Variants in ZNF560 observed in about 807,000 individuals in gnomAD.
ZNF560 encodes the protein zinc finger protein 560.
In ZNF560, 54 loss-of-function variants were observed where a neutral mutation model predicts 81.8. The observed-to-expected ratio is 0.66, with a 90% CI of 0.53 to 0.83. The LOEUF is 0.83. Among genes scored for constraint, ZNF560 ranks in the 40% least tolerant of loss-of-function variants. The probability of loss-of-function intolerance (pLI) is 0.00; values close to 1 mark genes in which losing one functional copy is unlikely to be tolerated. For synonymous variants in ZNF560, 321 were observed against 317.9 expected, an observed-to-expected ratio of 1.01 and a Z score of -0.10; for missense variants, 940 against 932.4, an observed-to-expected ratio of 1.01 and a Z score of -0.11.
intron 2 of ZNF560, among the ~76,000 whole-genome samples, chr19:9,496,957 C>T (rs2073568963): frequency 6.6e-6 from 1 of 151,702 alleles, no homozygotes. Context: ...GAATGAAATC[C>T]TGTCATTTTC....
At chr19:9,494,545 C>T (rs961461860) in intron 2 of ZNF560, among the ~76,000 whole-genome samples, 3 of 152,010 alleles carry the variant, frequency 2.0e-5, no homozygotes, top group African/African-American at 7.2e-5. Flanking sequence ...GACCAGCCTA[C>T]CCAACATGGC....
chr19:9,452,428 C>G, the ZNF560 span, among the ~76,000 whole-genome samples: 1 of 152,146 alleles, frequency 6.6e-6, no homozygotes, highest in Non-Finnish European at 1.5e-5. Flanking sequence ...ATAGATTTTT[C>G]TATCAAATAG....
chr19:9,490,692 G>A (rs527809679), intron 2 of ZNF560, among the ~76,000 whole-genome samples: 2 of 152,178 alleles, frequency 1.3e-5, no homozygotes, highest in South Asian at 2.1e-4. Flanking sequence ...ACAGGTTGAA[G>A]ATTAGGTGTG....
chr19:9,482,330 G>A (rs1047302948), intron 2 of ZNF560, among the ~76,000 whole-genome samples: 8 of 151,876 alleles, frequency 5.3e-5, no homozygotes, highest in South Asian at 2.1e-4. Context: ...TGTAAATGGC[G>A]AGTTAATGGG....
chr19:9,469,029 T>C (rs2073081149), intron 9 of ZNF560, 76 bp downstream of exon 9: 1 of 1,218,244 alleles, frequency 8.2e-7, no homozygotes. Flanking sequence ...TGCCTGGCCA[T>C]TTCTGCTGAT....
At chr19:9,457,134 A>G in the ZNF560 span, among the ~76,000 whole-genome samples, 2 of 152,254 alleles carry the variant, frequency 1.3e-5, no homozygotes, top group Admixed American at 6.5e-5. Flanking sequence ...AAAGGAACAT[A>G]TAGCTCAAAC....
At chr19:9,504,906 G>C in the ZNF560 span, among the ~76,000 whole-genome samples, 2 of 152,150 alleles carry the variant, frequency 1.3e-5, no homozygotes, top group African/African-American at 4.8e-5. Flanking sequence ...CCAACATAGT[G>C]AAAGCCCATC....
At chr19:9,506,346 T>G in the ZNF560 span, among the ~76,000 whole-genome samples, 2 of 151,918 alleles carry the variant, frequency 1.3e-5, no homozygotes, top group Admixed American at 6.6e-5. Flanking sequence ...AGTTATATTA[T>G]TTGAATTTGT....
intron 2 of ZNF560, among the ~76,000 whole-genome samples, chr19:9,491,186 C>G (rs939617580): frequency 6.6e-6 from 1 of 152,094 alleles, no homozygotes. Flanking sequence ...GATCACGGCT[C>G]ACCACAACCT....
At chr19:9,451,509 C>A in the ZNF560 span, among the ~76,000 whole-genome samples, 10 of 152,216 alleles carry the variant, frequency 6.6e-5, no homozygotes, top group African/African-American at 2.4e-4. Flanking sequence ...AAAACTGTAA[C>A]AATCCTTGAA....
At chr19:9,471,415 TTAAAAA>T in intron 5 of ZNF560, 37 bp from the exon 6 acceptor site, 1 of 1,252,424 alleles carries the variant, frequency 8.0e-7, no homozygotes, top group Non-Finnish European at 1.1e-6. Flanking sequence ...TTTTTTTTTT[TTAAAAA>T]AAAAGGTAAA....
At position 9,472,692 on chromosome 19, in the gene ZNF560, A is replaced by G. The variant is rs556661208; in HGVS notation, c.238+487T>C. Among the ~76,000 whole-genome samples, 53 of 152,278 alleles carry G rather than the reference A, an allele frequency of 3.5e-4. No homozygotes were observed. The South Asian group carries it at 0.011, about 32-fold the overall frequency. The stretch of plus-strand genomic sequence containing the variant: ...TAGAATTGTATAATTATTTCATTAC[A>G]GTAGAGTTATGGTAGAGTTGTATAA... On this transcript the variant is annotated intron_variant, in intron 5 of 9. Coordinates refer to ENST00000301480, the MANE Select transcript of ZNF560 (RefSeq NM_152476.3).
At chr19:9,471,255 T>C (rs544557744) in intron 6 of ZNF560, 41 bp downstream of exon 6, 2 of 1,439,114 alleles carry the variant, frequency 1.4e-6, no homozygotes, top group Non-Finnish European at 1.9e-6. Context: ...CCCAATATTC[T>C]CTGAGTGTGA....
At position 9,467,885 on chromosome 19, in the gene ZNF560, T is replaced by C; in HGVS notation, c.1062A>G (p.Gly354=). 1.2e-6 allele frequency: 2 copies of C among 1,614,220 alleles called. No homozygotes were observed. Among genetic ancestry groups the C allele is most frequent in the Non-Finnish European group, 1.7e-6 (2 of 1,180,036 alleles). ...IKNPYECKEC[G]KDFRYPTHLN... Reference sequence around the variant, plus strand: ...GGTGGGTAGGGTATCTAAAATCTTTTCCACATTCCTTACATTCATAGGGGT... The same window carrying C: ...GGTGGGTAGGGTATCTAAAATCTTTCCCACATTCCTTACATTCATAGGGGT... Residue 354 remains glycine, a synonymous_variant, in exon 10 of 10, where the codon GGA becomes GGG. Transcript: ENST00000301480.
At chr19:9,497,204 T>C (rs2073573717) in intron 2 of ZNF560, among the ~76,000 whole-genome samples, 1 of 152,188 alleles carries the variant, frequency 6.6e-6, no homozygotes, top group East Asian at 1.9e-4. Flanking sequence ...AGAATTTTCA[T>C]TTATTATACA....
intron 2 of ZNF560, among the ~76,000 whole-genome samples, chr19:9,485,854 C>CAAATAAGTTGAGAAACATGCTCA (rs1457057311): frequency 5.3e-5 from 8 of 152,150 alleles, no homozygotes. Context: ...TTTGTAACCT[C>CAAATAAGTTGAGAAACATGCTCA]AAATAAGTTG....
chr19:9,489,783 G>A (rs867335926), intron 2 of ZNF560, among the ~76,000 whole-genome samples: 1 of 152,182 alleles, frequency 6.6e-6, no homozygotes, highest in East Asian at 1.9e-4. Context: ...GTAGAGACAG[G>A]GTTTCACTGT....
the ZNF560 span, among the ~76,000 whole-genome samples, chr19:9,455,719 C>T: frequency 1.3e-5 from 2 of 152,096 alleles, no homozygotes; most frequent in South Asian, 4.1e-4. Flanking sequence ...AATGCTAATC[C>T]CAAGTGCCAG....
chr19:9,500,978 T>C (rs952725678), upstream of ZNF560, among the ~76,000 whole-genome samples: 4 of 152,136 alleles, frequency 2.6e-5, no homozygotes, highest in African/African-American at 7.2e-5. Context: ...TGTACTAATG[T>C]GAAGAATTAC....
Sources: allele counts gnomAD v4.1 joint callset (sites outside exome capture counted in the v4.1 genomes callset), GRCh38; gene constraint gnomAD v4.1.1; transcripts MANE v1.5; gene names NCBI Gene and HGNC (gene_info 2026-07-23, HGNC 2026-07-21).